PRPSAP2: variants seen among roughly 807,000 people sequenced by gnomAD.
The protein encoded by PRPSAP2 is phosphoribosyl pyrophosphate synthetase associated protein 2.
Under a neutral mutation model 40.6 loss-of-function variants are expected in PRPSAP2, and 24 were observed. The observed-to-expected ratio is 0.59, with a 90% CI of 0.43 to 0.83. The LOEUF is 0.83. Ranked by LOEUF, PRPSAP2 falls within the 40% of genes least tolerant of loss-of-function variation. PRPSAP2 has a pLI of 0.00. For missense variants in PRPSAP2, 292 were observed against 465.6 expected (o/e 0.63, Z 3.43); for synonymous variants, 149 against 164.7 (o/e 0.90, Z 0.73).
intron 8 of PRPSAP2, among the ~76,000 whole-genome samples, chr17:18,902,370 G>GT (rs1332536436): frequency 6.6e-6 from 1 of 152,164 alleles, no homozygotes; most frequent in Admixed American, 6.5e-5. Flanking sequence ...AGCGTCAGAT[G>GT]TTTTTTATCT....
At chr17:18,864,231 C>T (rs117164639) in intron 1 of PRPSAP2, among the ~76,000 whole-genome samples, 4,643 of 151,842 alleles carry the variant, frequency 0.031, 98 homozygotes, top group Non-Finnish European at 0.045. Flanking sequence ...CTGATAAGAA[C>T]CCTCACTTCT....
At chr17:18,915,023 AC>A (rs1408541968) in intron 9 of PRPSAP2, among the ~76,000 whole-genome samples, 1 of 104,758 alleles carries the variant, frequency 9.5e-6, no homozygotes, top group Non-Finnish European at 2.0e-5. Flanking sequence ...ACTGCACCCG[AC>A]CTTTTTTTTT....
intron 8 of PRPSAP2, chr17:18,908,534 A>C: frequency 1.3e-6 from 1 of 751,516 alleles, no homozygotes; most frequent in Non-Finnish European, 2.5e-6. Flanking sequence ...CTGCCTCCTC[A>C]TGCGGAGGGA....
At chr17:18,894,953 G>C (rs1302186143) in intron 8 of PRPSAP2, among the ~76,000 whole-genome samples, 2 of 152,146 alleles carry the variant, frequency 1.3e-5, no homozygotes, top group African/African-American at 4.8e-5. Flanking sequence ...CTGTAGATCA[G>C]ATTGGGGAGA....
At chr17:18,905,094 G>A in intron 8 of PRPSAP2, 1 of 152,238 alleles carries the variant, frequency 6.6e-6, no homozygotes, top group Non-Finnish European at 1.5e-5. Flanking sequence ...CACGATCTCG[G>A]CTCACTGCAA....
Position 18,930,785 on chromosome 17 carries a change from C to T in PRPSAP2, c.*87C>T, listed in dbSNP as rs1040405071. 1.6e-6 allele frequency: 2 copies of T among 1,225,566 alleles called. No individual in the cohort carries two copies. Among genetic ancestry groups the T allele is most frequent in the Non-Finnish European group, 2.2e-6 (2 of 896,590 alleles). 75.9% of individuals were successfully genotyped at this position (1,225,566 alleles called of 1,614,324 possible). On this transcript the variant is annotated 3_prime_UTR_variant, in exon 12 of 12. Coordinates refer to ENST00000268835, the MANE Select transcript of PRPSAP2 (RefSeq NM_002767.4). ...GATGGATTTCACAGGAACCGTCATG[C>T]TTGTTCCTCCCTCTCCCCTGTAACC...
intron 8 of PRPSAP2, among the ~76,000 whole-genome samples, chr17:18,902,951 G>A (rs1249089569): frequency 6.6e-6 from 1 of 150,682 alleles, no homozygotes; most frequent in Non-Finnish European, 1.5e-5. Context: ...GAGTGCTGCT[G>A]TGCCAGCCAT....
At chr17:18,868,200 G>A (rs758993327) in intron 4 of PRPSAP2, among the ~76,000 whole-genome samples, 4 of 152,132 alleles carry the variant, frequency 2.6e-5, no homozygotes, top group Non-Finnish European at 4.4e-5. Context: ...TAGGCCAGGC[G>A]TGGTGGCTCA....
chr17:18,868,788 C>T (rs1242138894), intron 4 of PRPSAP2, among the ~76,000 whole-genome samples: 2 of 150,168 alleles, frequency 1.3e-5, no homozygotes, highest in Non-Finnish European at 2.9e-5. Context: ...AAACTCTGGG[C>T]AAAAGCAGTT....
chr17:18,866,467 G>A (rs1472594031), intron 3 of PRPSAP2, among the ~76,000 whole-genome samples: 2 of 152,148 alleles, frequency 1.3e-5, no homozygotes, highest in African/African-American at 4.8e-5. Flanking sequence ...GGGAGGCTGA[G>A]GCAGGAGAAT....
intron 8 of PRPSAP2, among the ~76,000 whole-genome samples, chr17:18,898,464 T>C (rs2040061040): frequency 6.6e-6 from 1 of 152,232 alleles, no homozygotes; most frequent in Admixed American, 6.5e-5. Context: ...TTTTAAATAA[T>C]AGTTCTGTTG....
At chr17:18,887,232 G>A (rs1015129031) in intron 7 of PRPSAP2, among the ~76,000 whole-genome samples, 9 of 151,950 alleles carry the variant, frequency 5.9e-5, no homozygotes, top group African/African-American at 1.7e-4. Context: ...CACCGTGCCC[G>A]GCTTGATAAT....
At chr17:18,873,130 C>T (rs954092981) in intron 5 of PRPSAP2, among the ~76,000 whole-genome samples, 9 of 149,810 alleles carry the variant, frequency 6.0e-5, no homozygotes, top group Non-Finnish European at 1.3e-4. Flanking sequence ...GTATGAGCCA[C>T]CGTGTCCAGC....
chr17:18,898,405 AAGTTT>A (rs1233337601), intron 8 of PRPSAP2, among the ~76,000 whole-genome samples: 3 of 152,170 alleles, frequency 2.0e-5, no homozygotes, highest in African/African-American at 7.2e-5. Context: ...TGATATTCCA[AAGTTT>A]AGTTTATTGT....
At chr17:18,883,455 T>C (rs1311954894) in intron 7 of PRPSAP2, among the ~76,000 whole-genome samples, 1 of 144,728 alleles carries the variant, frequency 6.9e-6, no homozygotes, top group Non-Finnish European at 1.5e-5. Context: ...CAGGCTGGAG[T>C]GTAATGGCGC....
chr17:18,896,453 G>A (rs188795790), intron 8 of PRPSAP2, among the ~76,000 whole-genome samples: 1 of 152,204 alleles, frequency 6.6e-6, no homozygotes, highest in Admixed American at 6.6e-5. Flanking sequence ...TGGTTGCACA[G>A]AGCCTTAAGG....
chr17:18,891,360 C>T (rs1049537464), intron 8 of PRPSAP2, among the ~76,000 whole-genome samples: 2 of 152,180 alleles, frequency 1.3e-5, no homozygotes, highest in African/African-American at 2.4e-5. Context: ...TGGCTGTGTT[C>T]TTGTGGCTGA....
chr17:18,914,534 A>C (rs1646042854), intron 9 of PRPSAP2, among the ~76,000 whole-genome samples: 1 of 151,164 alleles, frequency 6.6e-6, no homozygotes, highest in African/African-American at 2.4e-5. Flanking sequence ...TCTTGGGCTT[A>C]TAGGCCTGAG....
intron 5 of PRPSAP2, among the ~76,000 whole-genome samples, chr17:18,873,191 C>CTTTTTTT (rs34126027): frequency 9.2e-6 from 1 of 108,180 alleles, no homozygotes; most frequent in Non-Finnish European, 1.8e-5. Context: ...AGTAGAGGCT[C>CTTTTTTT]TTTTTTTTTT....
Sources: gnomAD v4.1 joint callset for allele counts (sites outside exome capture counted in the v4.1 genomes callset) on GRCh38, gnomAD v4.1.1 for gene constraint, MANE v1.5 for transcripts, NCBI Gene and HGNC (gene_info 2026-07-23, HGNC 2026-07-21) for gene names.